Variants in HOGA1 observed in about 807,000 individuals in gnomAD.
The protein encoded by HOGA1 is 4-hydroxy-2-oxoglutarate aldolase 1.
Under a neutral mutation model 34.3 loss-of-function variants are expected in HOGA1, and 30 were observed. The ratio of observed to expected loss-of-function variants is 0.87; its 90% confidence interval spans 0.65 to 1.19. The LOEUF is 1.19. Among genes scored for constraint, HOGA1 ranks in the 50% most tolerant of loss-of-function variants. HOGA1 has a pLI of 0.00. For missense variants in HOGA1, 417 were observed against 436.5 expected (o/e 0.96, Z 0.40); for synonymous variants, 161 against 174.0 (o/e 0.93, Z 0.59).
intron 1 of HOGA1, among the ~76,000 whole-genome samples, chr10:97,585,274 G>T (rs574382173): frequency 1.3e-5 from 2 of 152,142 alleles, no homozygotes; most frequent in Admixed American, 6.5e-5. Context: ...CTGGGGTCAC[G>T]TGGCAGCCCA....
In HOGA1 at chr10:97,584,919, G is replaced by A. The variant is rs751493421; in HGVS notation, c.211+5G>A. 6.2e-6 allele frequency: 10 copies of A among 1,613,466 alleles called. No individual in the cohort carries two copies. The African/African-American group carries it at 1.1e-4, about 17-fold the overall frequency. On this transcript the variant is annotated splice_donor_5th_base_variant and intron_variant, in intron 1 of 6. Transcript: ENST00000370646. ...TGGGCACCTTCCCCTTCCGAGGTAA[G>A]TGGGGCTGTCCTCTGTGGGACCTGG...
chr10:97,589,780 C>G (rs560755279), intron 1 of HOGA1: 4 of 745,342 alleles, frequency 5.4e-6, no homozygotes, highest in South Asian at 5.2e-5. Context: ...GATCACCCAG[C>G]GTGCTCTTAG....
Position 97,611,590 on chromosome 10 carries a change from C to G in HOGA1, c.915C>G (p.Pro305=). The G allele has an allele frequency of 1.2e-6, 2 of 1,614,236 alleles. No homozygotes were observed. Among genetic ancestry groups the G allele is most frequent in the Non-Finnish European group, 1.7e-6 (2 of 1,180,034 alleles). The part of the protein sequence containing the change: ...FGYYGGPCRA[P]LQELSPAEEE... ...ACTATGGAGGCCCCTGCCGCGCCCC[C>G]TTGCAGGAGCTGAGCCCCGCTGAGG... The change falls in exon 7 of 7, where the codon CCC becomes CCG. Residue 305 remains proline, a synonymous_variant. Transcript: ENST00000370646.
At chr10:97,604,618 G>GC (rs1280154951) in intron 6 of HOGA1, among the ~76,000 whole-genome samples, 1 of 151,966 alleles carries the variant, frequency 6.6e-6, no homozygotes, top group Admixed American at 6.6e-5. Flanking sequence ...ACCACGGCTG[G>GC]CCCCCCACAG....
intron 1 of HOGA1, among the ~76,000 whole-genome samples, chr10:97,591,734 C>T (rs905563180): frequency 6.6e-6 from 1 of 151,914 alleles, no homozygotes; most frequent in African/African-American, 2.4e-5. Context: ...GAGCGATCCT[C>T]CCACCTCAGC....
At position 97,599,814 on chromosome 10, in the gene HOGA1, T is replaced by C. The variant is rs2041102250; in HGVS notation, c.603T>C (p.Asp201=). Reference sequence around the variant, plus strand: ...TGGGCATGAAGGACAGCGGTGGTGATGTGAGTGGCAGCAGCTCCGGGGCTG... The same window carrying C: ...TGGGCATGAAGGACAGCGGTGGTGACGTGAGTGGCAGCAGCTCCGGGGCTG... ...NIVGMKDSGG[D]VTRIGLIVHK... is the part of the protein sequence containing the mutation. The change falls in exon 4 of 7, where the codon GAT becomes GAC. Residue 201 remains aspartate, a splice_region_variant and synonymous_variant. Coordinates refer to ENST00000370646, the MANE Select transcript of HOGA1 (RefSeq NM_138413.4). 6.2e-7 allele frequency: 1 copy of C among 1,614,080 alleles called. No homozygotes were observed. The highest frequency in any genetic ancestry group is 1.1e-5 in the South Asian group (1 of 91,090).
At chr10:97,599,983 G>T (rs1442466186) in intron 4 of HOGA1, 84 bp from the exon 5 acceptor site, 1 of 1,489,174 alleles carries the variant, frequency 6.7e-7, no homozygotes, top group African/African-American at 1.4e-5. Flanking sequence ...TTTGAGCACT[G>T]GGCTTTCATT....
At chr10:97,590,624 G>A (rs888134745) in intron 1 of HOGA1, 5 of 1,551,450 alleles carry the variant, frequency 3.2e-6, no homozygotes, top group Non-Finnish European at 4.4e-6. Flanking sequence ...CCTGCCCCCA[G>A]CAAGGCTGGC....
intron 5 of HOGA1, 52 bp downstream of exon 5, chr10:97,600,215 G>C: frequency 1.4e-6 from 2 of 1,457,212 alleles, no homozygotes; most frequent in Non-Finnish European, 1.9e-6. Flanking sequence ...AGATACCCAG[G>C]TACCTGGGTC....
intron 1 of HOGA1, among the ~76,000 whole-genome samples, chr10:97,593,892 G>A (rs1471653954): frequency 2.0e-5 from 3 of 151,910 alleles, no homozygotes; most frequent in Non-Finnish European, 4.4e-5. Context: ...TTTTGAGACC[G>A]AGTTTCACTC....
intron 1 of HOGA1, among the ~76,000 whole-genome samples, chr10:97,598,140 T>C (rs1211140989): frequency 6.6e-6 from 1 of 152,246 alleles, no homozygotes; most frequent in Non-Finnish European, 1.5e-5. Context: ...TTCTTTTTTC[T>C]TTTTTGGTAG....
chr10:97,586,947 C>A (rs2040975793), intron 1 of HOGA1, among the ~76,000 whole-genome samples: 1 of 152,240 alleles, frequency 6.6e-6, no homozygotes, highest in South Asian at 2.1e-4. Flanking sequence ...GGCAAGAATC[C>A]TGCCACTTCT....
At chr10:97,594,031 G>C (rs972257176) in intron 1 of HOGA1, among the ~76,000 whole-genome samples, 2 of 152,056 alleles carry the variant, frequency 1.3e-5, no homozygotes, top group Admixed American at 1.3e-4. Context: ...ACCACGCCCA[G>C]CTAATTTTTG....
At chr10:97,597,107 A>AT (rs757896641) in intron 1 of HOGA1, among the ~76,000 whole-genome samples, 1,581 of 139,032 alleles carry the variant, frequency 0.011, 13 homozygotes, top group South Asian at 0.016. Flanking sequence ...ATAGCCTCCA[A>AT]TTTTTTTTTT....
chr10:97,603,279 AT>A lies in HOGA1; in HGVS notation c.834+1297del, dbSNP rs943026117. Among the ~76,000 whole-genome samples, 1 of 150,592 alleles carries A rather than the reference AT, an allele frequency of 6.6e-6. No individual in the cohort carries two copies. The highest frequency in any genetic ancestry group is 1.5e-5 in the Non-Finnish European group (1 of 67,598). On this transcript the variant is annotated intron_variant, in intron 6 of 6. Coordinates refer to ENST00000370646, the MANE Select transcript of HOGA1 (RefSeq NM_138413.4). This position sits in a 1 kb window ranked among gnomAD's most constrained non-coding sequence, Gnocchi z 4.5. ...TCGGCCTCCCAATCTTTTTTCTTTTATTTTTTTTATTTTCGAAACAGGGTCA... is the reference window on the plus strand; with the variant it reads ...TCGGCCTCCCAATCTTTTTTCTTTTATTTTTTTATTTTCGAAACAGGGTCA...
intron 1 of HOGA1, among the ~76,000 whole-genome samples, chr10:97,594,252 T>G (rs2041051756): frequency 6.9e-6 from 1 of 145,944 alleles, no homozygotes. Context: ...CTGGGCTCAC[T>G]GCAACCTCCA....
intron 1 of HOGA1, chr10:97,589,952 G>A: frequency 6.2e-7 from 1 of 1,613,992 alleles, no homozygotes; most frequent in South Asian, 1.1e-5. Flanking sequence ...GTGTCCATCA[G>A]ACAAGGACAA....
chr10:97,587,595 C>G (rs186876873), intron 1 of HOGA1, among the ~76,000 whole-genome samples: 1 of 152,030 alleles, frequency 6.6e-6, no homozygotes, highest in Non-Finnish European at 1.5e-5. Context: ...GAAACCTCCG[C>G]TTCCTGGGTT....
intron 1 of HOGA1, among the ~76,000 whole-genome samples, chr10:97,587,950 A>C (rs578051460): frequency 6.6e-6 from 1 of 151,716 alleles, no homozygotes; most frequent in Non-Finnish European, 1.5e-5. Flanking sequence ...AGCTGGGACC[A>C]AAGGTGCACA....
Sources: allele counts gnomAD v4.1 joint callset (sites outside exome capture counted in the v4.1 genomes callset), GRCh38; gene constraint gnomAD v4.1.1; non-coding constraint Gnocchi (gnomAD v3.1); transcripts MANE v1.5; gene names NCBI Gene and HGNC (gene_info 2026-07-23, HGNC 2026-07-21).